ATAD5: variants seen among roughly 807,000 people sequenced by gnomAD.
ATAD5 encodes the protein ATPase family AAA domain containing 5.
In ATAD5, 58 loss-of-function variants were observed where a neutral mutation model predicts 176.9. The observed-to-expected ratio is 0.33, with a 90% CI of 0.27 to 0.41. The LOEUF (loss-of-function observed/expected upper bound fraction) is 0.41. ATAD5 is among the 10% of genes least tolerant of loss of function. ATAD5 has a pLI of 1.00. For synonymous variants in ATAD5, 640 were observed against 712.6 expected (o/e 0.90, Z 1.62); for missense variants, 1,789 against 2,094.1 (o/e 0.85, Z 2.84).
intron 19 of ATAD5, among the ~76,000 whole-genome samples, chr17:30,891,175 C>T (rs1407427380): frequency 1.3e-5 from 2 of 152,020 alleles, no homozygotes; most frequent in Non-Finnish European, 2.9e-5. Context: ...TGTCAGACTG[C>T]CCTCTGATGA....
At chr17:30,860,658 C>A in intron 10 of ATAD5, 46 bp downstream of exon 10, 1 of 1,433,588 alleles carries the variant, frequency 7.0e-7, no homozygotes, top group Non-Finnish European at 9.2e-7. Context: ...GCTTTGAGGA[C>A]ATGCAAAGTG....
At chr17:30,890,564 G>A (rs1047138833) in intron 19 of ATAD5, among the ~76,000 whole-genome samples, 1 of 151,402 alleles carries the variant, frequency 6.6e-6, no homozygotes, top group African/African-American at 2.4e-5. Context: ...TGGGTCTACA[G>A]GCGTGTACCA....
At chr17:30,863,542 A>G (rs1907777208) in intron 10 of ATAD5, among the ~76,000 whole-genome samples, 1 of 144,856 alleles carries the variant, frequency 6.9e-6, no homozygotes, top group South Asian at 2.2e-4. Flanking sequence ...AATTTTTTGT[A>G]TTTTTAGTAG....
At chr17:30,841,732 T>A (rs1906133695) in intron 4 of ATAD5, among the ~76,000 whole-genome samples, 1 of 152,192 alleles carries the variant, frequency 6.6e-6, no homozygotes, top group African/African-American at 2.4e-5. Context: ...AATGGTATCA[T>A]ATAGCATGTG....
intron 18 of ATAD5, among the ~76,000 whole-genome samples, chr17:30,883,308 G>A (rs896285650): frequency 3.3e-5 from 5 of 151,498 alleles, no homozygotes; most frequent in Non-Finnish European, 1.5e-5. Context: ...AAATTTTTTT[G>A]TAGAGATGAG....
chr17:30,858,834 C>T (rs1907449970), intron 9 of ATAD5, among the ~76,000 whole-genome samples: 1 of 152,228 alleles, frequency 6.6e-6, no homozygotes, highest in Non-Finnish European at 1.5e-5. Flanking sequence ...GCTTGCGCCA[C>T]TGCACCTAGC....
At chr17:30,872,190 C>T (rs1908374533) in intron 14 of ATAD5, among the ~76,000 whole-genome samples, 1 of 152,098 alleles carries the variant, frequency 6.6e-6, no homozygotes, top group Non-Finnish European at 1.5e-5. Flanking sequence ...GCTAGGATTA[C>T]AAGTGTGAGC....
intron 6 of ATAD5, among the ~76,000 whole-genome samples, chr17:30,847,712 T>C (rs1041717331): frequency 6.7e-6 from 1 of 149,434 alleles, no homozygotes; most frequent in African/African-American, 2.5e-5. Context: ...TAGACTGCTA[T>C]GAACATTTTT....
intron 18 of ATAD5, among the ~76,000 whole-genome samples, chr17:30,883,713 A>G (rs1317352101): frequency 2.0e-5 from 3 of 151,480 alleles, no homozygotes; most frequent in Non-Finnish European, 4.4e-5. Context: ...TGCCCGGCTA[A>G]TATTTTTTGT....
At chr17:30,866,642 C>T (rs966461844) in intron 11 of ATAD5, among the ~76,000 whole-genome samples, 2 of 151,982 alleles carry the variant, frequency 1.3e-5, no homozygotes, top group East Asian at 3.9e-4. Context: ...TGGTGAAACC[C>T]CATCTCTACT....
chr17:30,869,629 A>G lies in ATAD5; in HGVS notation c.3590A>G (p.Tyr1197Cys). The change falls in exon 14 of 23, where the codon TAC becomes TGC. Residue 1197 changes from tyrosine to cysteine, a missense_variant. By Grantham distance (194) the Tyr-to-Cys change is radical. This residue lies in a region of ATAD5 where 194 missense variants were observed against 270.1 expected (regional missense o/e 0.72). Coordinates refer to ENST00000321990, the MANE Select transcript of ATAD5 (RefSeq NM_024857.5). ...AAACCCTGTTTTTTTAATAGCTACTACATAGGCAAGTCACCAAGTAAGTAA... is the reference window on the plus strand; with the variant it reads ...AAACCCTGTTTTTTTAATAGCTACTGCATAGGCAAGTCACCAAGTAAGTAA... ...SQKPCFFNSYYIGKSPKKISS... is the reference protein window; with the variant it reads ...SQKPCFFNSYCIGKSPKKISS... 7 of 1,593,904 alleles carry G rather than the reference A, an allele frequency of 4.4e-6. No individual in the cohort carries two copies. The highest frequency in any genetic ancestry group is 6.0e-6 in the Non-Finnish European group (7 of 1,175,370).
chr17:30,879,055 G>A (rs1033343678), intron 17 of ATAD5, among the ~76,000 whole-genome samples: 1 of 152,098 alleles, frequency 6.6e-6, no homozygotes, highest in African/African-American at 2.4e-5. Context: ...GAAGATCATA[G>A]TTGGCCAGGT....
rs575717203 is a variant in ATAD5 at position 30,872,494 on chromosome 17, C to T, written c.3607+2848C>T. On this transcript the variant is annotated intron_variant, in intron 14 of 22. Coordinates refer to ENST00000321990, the MANE Select transcript of ATAD5 (RefSeq NM_024857.5). ...GCCCAGCTGTTTCTTCTGTATTCTT[C>T]CCCACATCTCTGTCTGCTTGGCCTC... Among the ~76,000 whole-genome samples the T allele has an allele frequency of 3.1e-4, 47 of 151,832 alleles. No homozygotes were observed. The East Asian group carries it at 3.5e-3, about 11-fold the overall frequency.
At position 30,887,342 on chromosome 17, in the gene ATAD5, G is replaced by A. The variant is rs190933207; in HGVS notation, c.4228G>A (p.Val1410Ile). The A allele has an allele frequency of 2.0e-5, 32 of 1,604,888 alleles. No homozygotes were observed. In the East Asian group the frequency reaches 5.2e-4, roughly 26 times the overall value. ...LQFWIRSGGGVLEERPLTLYR... is the reference protein window; with the variant it reads ...LQFWIRSGGGILEERPLTLYR... ...ATTCTGGATTAGAAGTGGAGGTGGA[G>A]TTTTAGAAGAACGACCATTAACCCT... is the stretch of plus-strand genomic sequence containing the variant. Residue 1410 changes from valine (V) to isoleucine (I), a missense_variant, in exon 19 of 23, where the codon GTT becomes ATT. Physicochemically the swap from Val to Ile is conservative, Grantham distance 29. This residue lies in a region of ATAD5 where 403 missense variants were observed against 495.1 expected (regional missense o/e 0.81). Transcript: ENST00000321990.
chr17:30,884,046 G>A (rs909951464), intron 18 of ATAD5, among the ~76,000 whole-genome samples: 6 of 152,082 alleles, frequency 3.9e-5, no homozygotes, highest in Non-Finnish European at 7.4e-5. Flanking sequence ...CTTGTTAAAT[G>A]AAACTCCCTG....
intron 11 of ATAD5, among the ~76,000 whole-genome samples, chr17:30,867,646 C>G (rs1908080318): frequency 6.6e-6 from 1 of 152,132 alleles, no homozygotes; most frequent in Admixed American, 6.6e-5. Flanking sequence ...GGGTCTTGCT[C>G]TGTTGCCCAG....
Position 30,834,378 on chromosome 17 carries a change from G to T in ATAD5, c.297G>T (p.Thr99=). Residue 99 remains threonine (T), a synonymous_variant, in exon 2 of 23, where the codon ACG becomes ACT. Coordinates refer to ENST00000321990, the MANE Select transcript of ATAD5 (RefSeq NM_024857.5). ...SVPVDSNKDC[T]TPLEMFSNVE... is the part of the protein sequence containing the mutation. ...CTGTTGACAGCAACAAAGACTGTACGACACCTTTGGAAATGTTCTCAAATG... is the reference window on the plus strand; with the variant it reads ...CTGTTGACAGCAACAAAGACTGTACTACACCTTTGGAAATGTTCTCAAATG... The T allele has an allele frequency of 6.2e-7, 1 of 1,606,150 alleles. No individual in the cohort carries two copies. Among genetic ancestry groups the T allele is most frequent in the African/African-American group, 1.3e-5 (1 of 74,570 alleles).
At chr17:30,841,326 A>G (rs1906099650) in intron 4 of ATAD5, among the ~76,000 whole-genome samples, 2 of 152,170 alleles carry the variant, frequency 1.3e-5, no homozygotes, top group South Asian at 4.2e-4. Flanking sequence ...GTCACACAGA[A>G]TTGTTCATTT....
intron 18 of ATAD5, among the ~76,000 whole-genome samples, chr17:30,882,269 A>G (rs553989453): frequency 4.9e-4 from 75 of 151,538 alleles, no homozygotes; most frequent in African/African-American, 1.8e-3. Context: ...AAAAAAAAAA[A>G]TTGTCTAAAC....
Sources: allele counts gnomAD v4.1 joint callset (sites outside exome capture counted in the v4.1 genomes callset), GRCh38; gene constraint gnomAD v4.1.1; regional missense constraint gnomAD v4.1.1; transcripts MANE v1.5; gene names NCBI Gene and HGNC (gene_info 2026-07-23, HGNC 2026-07-21).